FAT3: variants seen among roughly 807,000 people sequenced by gnomAD.
FAT3 encodes the protein FAT atypical cadherin 3, also known as protocadherin Fat 3.
Under a neutral mutation model 310.2 loss-of-function variants are expected in FAT3, and 95 were observed. The observed-to-expected ratio is 0.31, with a 90% CI of 0.26 to 0.36. The LOEUF is 0.36. Among genes scored for constraint, FAT3 ranks in the 10% least tolerant of loss-of-function variants. The pLI is 1.00. For missense variants in FAT3, 5,408 were observed against 5,715.6 expected (o/e 0.95, Z 1.74); for synonymous variants, 2,314 against 2,192.9 (o/e 1.06, Z -1.54).
chr11:92,888,147 A>C (rs1949838094), intron 25 of FAT3, among the ~76,000 whole-genome samples: 1 of 152,158 alleles, frequency 6.6e-6, no homozygotes, highest in Non-Finnish European at 1.5e-5. Context: ...TATTTTCATC[A>C]CCACTTTCAA....
rs1948674477 is a variant in FAT3, at chr11:92,354,511, A to G, written c.2399A>G (p.Asn800Ser). The change falls in exon 2 of 28, where the codon AAT becomes AGT. Residue 800 changes from asparagine to serine, a missense_variant. Physicochemically the swap from Asn to Ser is conservative, Grantham distance 46. Transcript: ENST00000525166. ...DREHTDLYLL[N>S]ITIYDLGNPQ... ...GAACACACAGACCTCTATCTCCTTA[A>G]TATCACCATCTATGACTTAGGTAAT... The G allele has an allele frequency of 6.2e-7, 1 of 1,613,872 alleles. No homozygotes were observed. Among genetic ancestry groups the G allele is most frequent in the Non-Finnish European group, 8.5e-7 (1 of 1,179,868 alleles).
chr11:92,629,867 T>C (rs1162371965), intron 3 of FAT3, among the ~76,000 whole-genome samples: 1 of 152,218 alleles, frequency 6.6e-6, no homozygotes, highest in Non-Finnish European at 1.5e-5. Context: ...AAACAACATG[T>C]ACATCAGAAT....
intron 19 of FAT3, among the ~76,000 whole-genome samples, chr11:92,846,853 G>T (rs1195877845): frequency 1.3e-5 from 2 of 152,184 alleles, no homozygotes; most frequent in Non-Finnish European, 2.9e-5. Context: ...TCACCTTCAA[G>T]TCACTCTTAT....
At chr11:92,771,314 G>T (rs78174461) in intron 6 of FAT3, among the ~76,000 whole-genome samples, 1 of 152,112 alleles carries the variant, frequency 6.6e-6, no homozygotes, top group Admixed American at 6.5e-5. Flanking sequence ...CGATTTGGAC[G>T]TGGTTTCCTA....
At chr11:92,569,151 C>G (rs1955582035) in intron 3 of FAT3, among the ~76,000 whole-genome samples, 1 of 152,124 alleles carries the variant, frequency 6.6e-6, no homozygotes, top group Non-Finnish European at 1.5e-5. Context: ...GTGGCTGAGA[C>G]CAGGTGTCAG....
intron 3 of FAT3, among the ~76,000 whole-genome samples, chr11:92,612,415 T>G (rs975465070): frequency 6.6e-6 from 1 of 152,196 alleles, no homozygotes; most frequent in Non-Finnish European, 1.5e-5. Flanking sequence ...CAGCAGGACT[T>G]AGAATGCTGG....
intron 2 of FAT3, among the ~76,000 whole-genome samples, chr11:92,441,705 C>G (rs1048498587): frequency 1.3e-5 from 2 of 152,150 alleles, no homozygotes; most frequent in African/African-American, 4.8e-5. Flanking sequence ...TAAAACACCA[C>G]AAAACAGATT....
At chr11:92,849,140 T>C (rs189250455) in intron 19 of FAT3, among the ~76,000 whole-genome samples, 277 of 152,350 alleles carry the variant, frequency 1.8e-3, no homozygotes, top group Non-Finnish European at 3.3e-3. Context: ...GAAAGGTCAA[T>C]TGACTCACTC....
At chr11:92,775,430 A>G (rs892695157) in intron 7 of FAT3, among the ~76,000 whole-genome samples, 1 of 152,200 alleles carries the variant, frequency 6.6e-6, no homozygotes, top group Non-Finnish European at 1.5e-5. Context: ...TCACTTTAGT[A>G]CAACTCCTTT....
intron 2 of FAT3, among the ~76,000 whole-genome samples, chr11:92,380,575 A>C (rs946041563): frequency 3.9e-5 from 6 of 152,206 alleles, no homozygotes; most frequent in Admixed American, 3.3e-4. Context: ...ATACACAGCC[A>C]ACACAATTTA....
intron 4 of FAT3, among the ~76,000 whole-genome samples, chr11:92,724,629 C>T (rs1375722043): frequency 6.6e-6 from 1 of 152,174 alleles, no homozygotes; most frequent in African/African-American, 2.4e-5. Context: ...AACTAAGTCT[C>T]ATTATGAAGA....
At chr11:92,600,101 A>T (rs1481310620) in intron 3 of FAT3, among the ~76,000 whole-genome samples, 2 of 152,092 alleles carry the variant, frequency 1.3e-5, no homozygotes, top group Non-Finnish European at 2.9e-5. Flanking sequence ...GATTTCTTGT[A>T]TCTGTTTTTT....
intron 2 of FAT3, among the ~76,000 whole-genome samples, chr11:92,369,106 G>A (rs1234173807): frequency 6.6e-6 from 1 of 152,084 alleles, no homozygotes; most frequent in Non-Finnish European, 1.5e-5. Flanking sequence ...CTAATGTGAT[G>A]TAAAATGTAA....
At position 92,654,367 on chromosome 11, in the gene FAT3, C is replaced by G. The variant is rs548274245; in HGVS notation, c.3608-43017C>G. Among the ~76,000 whole-genome samples the G allele has an allele frequency of 5.9e-5, 9 of 152,290 alleles. No homozygotes were observed. In the East Asian group the frequency reaches 1.7e-3, roughly 29 times the overall value. On this transcript the variant is annotated intron_variant, in intron 3 of 27. Coordinates refer to ENST00000525166, the MANE Select transcript of FAT3 (RefSeq NM_001367949.2). Reference sequence around the variant, plus strand: ...CAATTTTCTTCTGAACACACACATTCAGATGGCTAACAGATTTGTCCAGCT... The same window carrying G: ...CAATTTTCTTCTGAACACACACATTGAGATGGCTAACAGATTTGTCCAGCT...
intron 3 of FAT3, among the ~76,000 whole-genome samples, chr11:92,646,472 T>G (rs1278264706): frequency 5.9e-5 from 9 of 152,194 alleles, no homozygotes; most frequent in Non-Finnish European, 1.3e-4. Flanking sequence ...ATAATTAGAC[T>G]CTTCTTCTCC....
At chr11:92,477,530 T>A (rs1952080640) in intron 2 of FAT3, among the ~76,000 whole-genome samples, 1 of 152,224 alleles carries the variant, frequency 6.6e-6, no homozygotes, top group Non-Finnish European at 1.5e-5. Flanking sequence ...TCTGACCTTA[T>A]CTATTATCTC....
rs1186603773 is a variant in FAT3, at chr11:92,515,373, G to A, written c.3293-9261G>A. 3.3e-5 allele frequency among the ~76,000 whole-genome samples: 5 copies of A among 152,046 alleles called. No homozygotes were observed. The East Asian group carries it at 7.7e-4, about 23-fold the overall frequency. On this transcript the variant is annotated intron_variant, in intron 2 of 27. Coordinates refer to ENST00000525166, the MANE Select transcript of FAT3 (RefSeq NM_001367949.2). Reference sequence around the variant, plus strand: ...ATATTCTACAAAGATATACCAAGATGTACCAAAAAGTATCTTTTTATGATT... The same window carrying A: ...ATATTCTACAAAGATATACCAAGATATACCAAAAAGTATCTTTTTATGATT...
At chr11:92,596,319 G>C (rs1939705194) in intron 3 of FAT3, among the ~76,000 whole-genome samples, 1 of 152,106 alleles carries the variant, frequency 6.6e-6, no homozygotes, top group African/African-American at 2.4e-5. Flanking sequence ...AGTCTGATTA[G>C]AAGGGACTCC....
chr11:92,650,726 C>A (rs1942345587), intron 3 of FAT3, among the ~76,000 whole-genome samples: 1 of 152,168 alleles, frequency 6.6e-6, no homozygotes, highest in Admixed American at 6.5e-5. Flanking sequence ...ATCCCTAAGA[C>A]TGAGCCCAAG....
Sources: gnomAD v4.1 joint callset for allele counts (sites outside exome capture counted in the v4.1 genomes callset) on GRCh38, gnomAD v4.1.1 for gene constraint, MANE v1.5 for transcripts, NCBI Gene and HGNC (gene_info 2026-07-23, HGNC 2026-07-21) for gene names.